The following KATNAL1 variants were observed in gnomAD, a reference collection of about 807,000 sequenced individuals.
KATNAL1 encodes katanin p60 ATPase-containing subunit A-like 1.
KATNAL1 carries 32 observed loss-of-function variants against 55.2 expected under a neutral mutation model. That is an observed-to-expected ratio of 0.58 (90% CI 0.44 to 0.78). KATNAL1 has a LOEUF of 0.78. Among genes scored for constraint, KATNAL1 ranks in the 30% least tolerant of loss-of-function variants. The pLI is 0.00. For missense variants in KATNAL1, 466 were observed against 600.9 expected, an observed-to-expected ratio of 0.78 and a Z score of 2.35; for synonymous variants, 193 against 193.6, an observed-to-expected ratio of 1.00 and a Z score of 0.02.
chr13:30,235,657 G>A (rs1001814128), intron 6 of KATNAL1, among the ~76,000 whole-genome samples: 2 of 152,148 alleles, frequency 1.3e-5, no homozygotes, highest in South Asian at 2.1e-4. Context: ...AGGAAGAGAG[G>A]GCGAAAGAAG....
chr13:30,282,880 G>A (rs1338041586), intron 2 of KATNAL1, among the ~76,000 whole-genome samples: 17 of 150,034 alleles, frequency 1.1e-4, no homozygotes, highest in Admixed American at 2.7e-4. Context: ...GCGTGAACCC[G>A]GGAGGTGGAG....
At position 30,280,226 on chromosome 13, in the gene KATNAL1, T is replaced by TAA. The variant is rs376904265; in HGVS notation, c.163-5_163-4dup. ...TCCTCCAATAATTCCTGCCGAACCT[T>TAA]AAAAAAAAAAAATAGGCTTTATGCT... On this transcript the variant is annotated splice_polypyrimidine_tract_variant and splice_region_variant and intron_variant, in intron 2 of 10. Coordinates refer to ENST00000380615, the MANE Select transcript of KATNAL1 (RefSeq NM_032116.5). 5.5e-3 allele frequency: 6,813 copies of TAA among 1,249,380 alleles called. 132 individuals are homozygous for TAA. The African/African-American group carries it at 0.08, about 15-fold the overall frequency. 77.4% of individuals were successfully genotyped at this position (1,249,380 alleles called of 1,614,324 possible). A position where few individuals can be genotyped will look rare whatever the true frequency, so the allele number is the denominator to read the frequency against.
At chr13:30,289,603 T>G (rs573232705) in intron 1 of KATNAL1, among the ~76,000 whole-genome samples, 1 of 152,240 alleles carries the variant, frequency 6.6e-6, no homozygotes, top group Non-Finnish European at 1.5e-5. Context: ...CAGTGTATAT[T>G]GTATTTAACA....
chr13:30,254,748 G>A (rs1212052515), intron 4 of KATNAL1, among the ~76,000 whole-genome samples: 4 of 151,650 alleles, frequency 2.6e-5, no homozygotes, highest in Non-Finnish European at 4.4e-5. Flanking sequence ...ATGACATCAC[G>A]GTGGAAACAG....
chr13:30,259,031 CT>C (rs1566111973), intron 3 of KATNAL1, among the ~76,000 whole-genome samples: 1 of 152,190 alleles, frequency 6.6e-6, no homozygotes, highest in African/African-American at 2.4e-5. Context: ...AGGCACTATG[CT>C]ATACAACGTA....
chr13:30,291,753 T>C (rs912347332), intron 1 of KATNAL1, among the ~76,000 whole-genome samples: 1 of 152,250 alleles, frequency 6.6e-6, no homozygotes, highest in South Asian at 2.1e-4. Flanking sequence ...ACAGTAATCA[T>C]GGCCGGGCAC....
chr13:30,205,519 C>G lies in KATNAL1; in HGVS notation c.*3021G>C, dbSNP rs1409561981. ...TTTTCCTTTGATAATGCATCTGCTA[C>G]CGCAACACTGAATAACAAAACAAAA... On this transcript the variant is annotated 3_prime_UTR_variant, in exon 11 of 11. Transcript: ENST00000380615. 6.6e-6 allele frequency: 1 copy of G among 152,270 alleles called. No homozygotes were observed. Among genetic ancestry groups the G allele is most frequent in the Non-Finnish European group, 1.5e-5 (1 of 68,070 alleles). 9.4% of individuals were successfully genotyped at this position (152,270 alleles called of 1,614,324 possible). A position where few individuals can be genotyped will look rare whatever the true frequency, so the allele number is the denominator to read the frequency against.
chr13:30,236,233 G>T (rs1489005409), intron 6 of KATNAL1, among the ~76,000 whole-genome samples: 1 of 152,142 alleles, frequency 6.6e-6, no homozygotes, highest in East Asian at 1.9e-4. Context: ...ACCTAAGAGG[G>T]TAGTGGGAAC....
chr13:30,263,665 C>T (rs1879497707), intron 3 of KATNAL1, among the ~76,000 whole-genome samples: 1 of 150,316 alleles, frequency 6.7e-6, no homozygotes, highest in Non-Finnish European at 1.5e-5. Flanking sequence ...ATCCAACTTA[C>T]AAGGGATGTG....
chr13:30,213,243 T>C (rs1012884605), intron 9 of KATNAL1, among the ~76,000 whole-genome samples: 6 of 152,280 alleles, frequency 3.9e-5, no homozygotes, highest in South Asian at 2.1e-4. Context: ...AATCTCTGAA[T>C]AGACCAATAA....
At chr13:30,300,481 A>G (rs1882787878) in intron 1 of KATNAL1, among the ~76,000 whole-genome samples, 1 of 152,196 alleles carries the variant, frequency 6.6e-6, no homozygotes, top group African/African-American at 2.4e-5. Context: ...TTTGTACCAC[A>G]ATGAATTTTA....
chr13:30,212,528 T>C (rs1229822299), intron 9 of KATNAL1, among the ~76,000 whole-genome samples: 8 of 152,168 alleles, frequency 5.3e-5, no homozygotes, highest in Non-Finnish European at 7.4e-5. Context: ...GTCAGAACGC[T>C]GGGCTCAAGC....
intron 4 of KATNAL1, among the ~76,000 whole-genome samples, chr13:30,246,131 C>T (rs1010291998): frequency 1.3e-5 from 2 of 152,158 alleles, no homozygotes; most frequent in African/African-American, 4.8e-5. Context: ...CATCATGCTA[C>T]CTTGACTTCA....
intron 9 of KATNAL1, among the ~76,000 whole-genome samples, chr13:30,224,021 T>C (rs779332763): frequency 3.9e-5 from 6 of 152,082 alleles, no homozygotes; most frequent in Non-Finnish European, 8.8e-5. Flanking sequence ...CTGCAATGAA[T>C]TAAAGTAAAA....
chr13:30,227,549 A>AT lies in KATNAL1; in HGVS notation c.1013-4dup, dbSNP rs1875631348. On this transcript the variant is annotated splice_polypyrimidine_tract_variant and splice_region_variant and intron_variant, in intron 8 of 10. Coordinates refer to ENST00000380615, the MANE Select transcript of KATNAL1 (RefSeq NM_032116.5). Reference sequence around the variant, plus strand: ...ATTTTCTAAAGCTCCTCCAACTCCTATACACAGTAAGGGAGGAAAAGATAG... The same window carrying AT: ...ATTTTCTAAAGCTCCTCCAACTCCTATTACACAGTAAGGGAGGAAAAGATAG... The AT allele has an allele frequency of 6.2e-7, 1 of 1,612,054 alleles. No homozygotes were observed. Among genetic ancestry groups the AT allele is most frequent in the East Asian group, 2.2e-5 (1 of 44,816 alleles).
At chr13:30,262,898 C>T (rs1400365554) in intron 3 of KATNAL1, among the ~76,000 whole-genome samples, 3 of 152,018 alleles carry the variant, frequency 2.0e-5, no homozygotes, top group South Asian at 4.1e-4. Context: ...ATACCAAAGC[C>T]GGGCAGAGAC....
In KATNAL1 at chr13:30,208,363, T is replaced by A. The variant is rs777573947; in HGVS notation, c.*177A>T. The A allele has an allele frequency of 3.6e-6, 2 of 557,204 alleles. No individual in the cohort carries two copies. Among genetic ancestry groups the A allele is most frequent in the Non-Finnish European group, 6.2e-6 (2 of 323,588 alleles). The allele number at this position is 557,204 out of a possible 1,614,324, so 34.5% of individuals were successfully genotyped here. On this transcript the variant is annotated 3_prime_UTR_variant, in exon 11 of 11. Transcript: ENST00000380615. Reference sequence around the variant, plus strand: ...AAGCCGGGGAGGGAGACTAGCAAACTCTCGCCATCAATTATTTCTCAACTA... The same window carrying A: ...AAGCCGGGGAGGGAGACTAGCAAACACTCGCCATCAATTATTTCTCAACTA...
chr13:30,242,440 G>A (rs551169961), intron 4 of KATNAL1, among the ~76,000 whole-genome samples: 9 of 152,160 alleles, frequency 5.9e-5, no homozygotes, highest in African/African-American at 7.2e-5. Flanking sequence ...TGTGCATTAG[G>A]TTTTAGAGCA....
intron 6 of KATNAL1, 47 bp from the exon 7 acceptor site, chr13:30,231,519 T>A (rs1876096311): frequency 7.6e-7 from 1 of 1,315,950 alleles, no homozygotes; most frequent in African/African-American, 1.5e-5. Context: ...ATTAAAAAAT[T>A]TTTTTATAAA....
Sources: gnomAD v4.1 joint callset for allele counts (sites outside exome capture counted in the v4.1 genomes callset) on GRCh38, gnomAD v4.1.1 for gene constraint, MANE v1.5 for transcripts, NCBI Gene and HGNC (gene_info 2026-07-23, HGNC 2026-07-21) for gene names.